Variants in RNF180 observed in about 807,000 individuals in gnomAD.
RNF180 encodes the protein E3 ubiquitin-protein ligase RNF180.
Under a neutral mutation model 59.2 loss-of-function variants are expected in RNF180, and 38 were observed. That is an observed-to-expected ratio of 0.64 (90% CI 0.50 to 0.84). The LOEUF (loss-of-function observed/expected upper bound fraction) is 0.84. Among genes scored for constraint, RNF180 ranks in the 40% least tolerant of loss-of-function variants. The pLI is 0.00. For synonymous variants in RNF180, 262 were observed against 240.3 expected, an observed-to-expected ratio of 1.09 and a Z score of -0.84; for missense variants, 705 against 700.9, an observed-to-expected ratio of 1.01 and a Z score of -0.07.
chr5:64,181,303 A>G (rs972302667), intron 1 of RNF180, among the ~76,000 whole-genome samples: 1 of 152,178 alleles, frequency 6.6e-6, no homozygotes, highest in African/African-American at 2.4e-5. Flanking sequence ...CTACAATCCA[A>G]TCAAGTTGAC....
intron 7 of RNF180, among the ~76,000 whole-genome samples, chr5:64,363,416 T>C (rs1746330773): frequency 6.6e-6 from 1 of 151,836 alleles, no homozygotes; most frequent in Admixed American, 6.6e-5. Context: ...TGTGTGGCCT[T>C]ATTTTGGGGC....
Position 64,325,242 on chromosome 5 carries a change from T to C in RNF180, c.1284T>C (p.Asp428=). 6.4e-7 allele frequency: 1 copy of C among 1,551,620 alleles called. No homozygotes were observed. Among genetic ancestry groups the C allele is most frequent in the Non-Finnish European group, 8.7e-7 (1 of 1,146,850 alleles). The change falls in exon 6 of 8, where the codon GAT becomes GAC. Residue 428 remains aspartate, a synonymous_variant. Transcript: ENST00000389100. ...DEDNEYAEEK[D]SYICAVCLDV... ...ACAATGAATATGCAGAAGAAAAGGA[T>C]AGCTACATCTGTGCAGTGTGTCTGG...
rs142652061 is a variant in RNF180 at position 64,277,749 on chromosome 5, A to G, written c.1228-47437A>G. On this transcript the variant is annotated intron_variant, in intron 5 of 7. Coordinates refer to ENST00000389100, the MANE Select transcript of RNF180 (RefSeq NM_001113561.2). ...ACACAAATGGAAATACCAGGGACAAATCATGTTCGAGGAAGGGAAAAGGAA... is the reference window on the plus strand; with the variant it reads ...ACACAAATGGAAATACCAGGGACAAGTCATGTTCGAGGAAGGGAAAAGGAA... Among the ~76,000 whole-genome samples, 11 of 152,268 alleles carry G rather than the reference A, an allele frequency of 7.2e-5. No individual in the cohort carries two copies. In the East Asian group the frequency reaches 2.1e-3, roughly 29 times the overall value.
chr5:64,335,094 C>T (rs1745065373), intron 7 of RNF180, among the ~76,000 whole-genome samples: 1 of 152,044 alleles, frequency 6.6e-6, no homozygotes, highest in Non-Finnish European at 1.5e-5. Flanking sequence ...TTTTAATTTC[C>T]ATTACTGTGA....
intron 5 of RNF180, among the ~76,000 whole-genome samples, chr5:64,220,403 A>G (rs1281886114): frequency 1.3e-5 from 2 of 151,952 alleles, no homozygotes; most frequent in Non-Finnish European, 2.9e-5. Flanking sequence ...TTAGCTGTAT[A>G]CTATAAATTT....
intron 1 of RNF180, among the ~76,000 whole-genome samples, chr5:64,166,756 C>T (rs1436578272): frequency 6.6e-6 from 1 of 152,100 alleles, no homozygotes; most frequent in Admixed American, 6.5e-5. Context: ...CTGAGGCACC[C>T]AAGAGGCAAA....
chr5:64,318,527 A>G (rs1236579334), intron 5 of RNF180, among the ~76,000 whole-genome samples: 1 of 152,148 alleles, frequency 6.6e-6, no homozygotes, highest in East Asian at 1.9e-4. Flanking sequence ...TGAAACCACA[A>G]ATAAGGGGGA....
upstream of RNF180, among the ~76,000 whole-genome samples, chr5:64,165,656 C>A (rs545041599): frequency 2.0e-5 from 3 of 152,304 alleles, no homozygotes; most frequent in Non-Finnish European, 2.9e-5. Context: ...TGTCTGCCTG[C>A]GCGGGGTCAA....
intron 7 of RNF180, among the ~76,000 whole-genome samples, chr5:64,365,007 A>G (rs896764464): frequency 2.0e-4 from 30 of 151,232 alleles, no homozygotes; most frequent in African/African-American, 6.8e-4. Context: ...TTTCAAAAAA[A>G]AAAACAGCTT....
chr5:64,306,585 C>T (rs958533761), intron 5 of RNF180, among the ~76,000 whole-genome samples: 1 of 151,604 alleles, frequency 6.6e-6, no homozygotes, highest in Admixed American at 6.6e-5. Flanking sequence ...AAATGTCCAA[C>T]AATGATAGAC....
In RNF180 at chr5:64,190,039, G is replaced by C. The variant is rs559006728; in HGVS notation, c.1-10769G>C. Among the ~76,000 whole-genome samples, 4 of 152,308 alleles carry C rather than the reference G, an allele frequency of 2.6e-5. No individual in the cohort carries two copies. The South Asian group carries it at 8.3e-4, about 32-fold the overall frequency. On this transcript the variant is annotated intron_variant, in intron 1 of 7. Coordinates refer to ENST00000389100, the MANE Select transcript of RNF180 (RefSeq NM_001113561.2). The stretch of plus-strand genomic sequence containing the variant: ...TAAGGCTGTTTCTTCCTCAGTTTGA[G>C]TATAGGGCCATCTCTTCAGTTTTAG...
chr5:64,368,769 C>G (rs1561284106), intron 7 of RNF180, among the ~76,000 whole-genome samples: 1 of 152,010 alleles, frequency 6.6e-6, no homozygotes, highest in Non-Finnish European at 1.5e-5. Context: ...GATACCATCT[C>G]ACACCAGTTA....
chr5:64,301,694 C>T (rs1031109825), intron 5 of RNF180, among the ~76,000 whole-genome samples: 1 of 139,986 alleles, frequency 7.1e-6, no homozygotes, highest in African/African-American at 3.1e-5. Context: ...TTGTATGCCA[C>T]ATCAGAATGT....
chr5:64,281,718 G>T (rs147725170), intron 5 of RNF180, among the ~76,000 whole-genome samples: 1 of 152,080 alleles, frequency 6.6e-6, no homozygotes, highest in Non-Finnish European at 1.5e-5. Context: ...GGCTGGTCTC[G>T]AACTCCTGAC....
At chr5:64,189,083 G>C (rs1164294677) in intron 1 of RNF180, among the ~76,000 whole-genome samples, 1 of 152,002 alleles carries the variant, frequency 6.6e-6, no homozygotes, top group African/African-American at 2.4e-5. Flanking sequence ...TGCAGGCCAA[G>C]AAGAGAGGTC....
intron 5 of RNF180, among the ~76,000 whole-genome samples, chr5:64,295,700 A>G (rs1742851614): frequency 6.6e-6 from 1 of 152,144 alleles, no homozygotes. Context: ...TGCATCCTAT[A>G]TGCAGACATT....
intron 5 of RNF180, among the ~76,000 whole-genome samples, chr5:64,267,625 A>G (rs1372067176): frequency 1.3e-5 from 2 of 151,886 alleles, no homozygotes; most frequent in African/African-American, 4.8e-5. Context: ...TTCTTGAGAT[A>G]GTTTACTGAG....
chr5:64,367,486 G>A lies in RNF180; in HGVS notation c.1580-2129G>A, dbSNP rs978684224. Among the ~76,000 whole-genome samples the A allele has an allele frequency of 2.0e-5, 3 of 151,634 alleles. No individual in the cohort carries two copies. In the Admixed American group the frequency reaches 2.0e-4, roughly 10 times the overall value. ...AATTATTTAAAAACCTATTTGAAAT[G>A]TAGCTCTACAAATTCTGTTTAAATA... On this transcript the variant is annotated intron_variant, in intron 7 of 7. Transcript: ENST00000389100.
intron 7 of RNF180, among the ~76,000 whole-genome samples, chr5:64,345,757 CTAATA>C (rs1341838330): frequency 6.6e-6 from 1 of 152,110 alleles, no homozygotes; most frequent in Non-Finnish European, 1.5e-5. Flanking sequence ...GGATAATTAT[CTAATA>C]TAACTCACAT....
Sources: allele counts gnomAD v4.1 joint callset (sites outside exome capture counted in the v4.1 genomes callset), GRCh38; gene constraint gnomAD v4.1.1; transcripts MANE v1.5; gene names NCBI Gene and HGNC (gene_info 2026-07-23, HGNC 2026-07-21).